Variants in GLRX5 observed in about 807,000 individuals in gnomAD.
GLRX5 encodes glutaredoxin 5.
A neutral mutation model predicts 13.8 loss-of-function variants in GLRX5; 10 were observed. The ratio of observed to expected loss-of-function variants is 0.72; its 90% CI spans 0.45 to 1.23. GLRX5 has a LOEUF of 1.23. Among genes scored for constraint, GLRX5 ranks in the 50% most tolerant of loss-of-function variants. GLRX5 has a pLI of 0.00. For synonymous variants in GLRX5, 98 were observed against 101.1 expected, an observed-to-expected ratio of 0.97 and a Z score of 0.18; for missense variants, 233 against 215.2, an observed-to-expected ratio of 1.08 and a Z score of -0.52.
Position 95,535,274 on chromosome 14 carries a change from C to A in GLRX5, c.185C>A (p.Pro62Gln). ...GTGGTGGTCTTCCTCAAGGGGACGC[C>A]GGAGCAGCCCCAGTGCGGCTTCAGC... ...DKVVVFLKGT[P>Q]EQPQCGFSNA... Residue 62 changes from proline to glutamine, a missense_variant, in exon 1 of 2, where the codon CCG (proline) becomes CAG (glutamine). Coordinates refer to ENST00000331334, the MANE Select transcript of GLRX5 (RefSeq NM_016417.3). The A allele has an allele frequency of 1.3e-6, 2 of 1,570,346 alleles. No homozygotes were observed. Among genetic ancestry groups the A allele is most frequent in the Non-Finnish European group, 1.7e-6 (2 of 1,159,346 alleles).
intron 1 of GLRX5, among the ~76,000 whole-genome samples, chr14:95,538,329 C>T (rs569735783): frequency 2.2e-4 from 33 of 152,196 alleles, no homozygotes; most frequent in Admixed American, 5.2e-4. Flanking sequence ...CGATTTAGAT[C>T]ATCATTGTAG....
At chr14:95,543,450 G>A in intron 1 of GLRX5, 1 of 317,818 alleles carries the variant, frequency 3.1e-6, no homozygotes, top group Non-Finnish European at 6.2e-6. Flanking sequence ...GATTGCCCGA[G>A]TTGGCCATGA....
intron 1 of GLRX5, among the ~76,000 whole-genome samples, chr14:95,541,440 A>G (rs1472785261): frequency 6.6e-6 from 1 of 152,242 alleles, no homozygotes; most frequent in East Asian, 1.9e-4. Context: ...GAAGGGTGCC[A>G]ACGTTTGGCC....
chr14:95,535,457 C>T (rs1891354425), intron 1 of GLRX5, 73 bp downstream of exon 1: 1 of 1,402,550 alleles, frequency 7.1e-7, no homozygotes, highest in African/African-American at 1.4e-5. Flanking sequence ...CCGAGGGGTT[C>T]CGCCGCGCCG....
chr14:95,540,967 A>G (rs1319288818), intron 1 of GLRX5, among the ~76,000 whole-genome samples: 2 of 152,158 alleles, frequency 1.3e-5, no homozygotes, highest in African/African-American at 2.4e-5. Flanking sequence ...TTTTTGGTGG[A>G]GCATTAGATG....
At chr14:95,539,945 C>T (rs1364613949) in intron 1 of GLRX5, among the ~76,000 whole-genome samples, 1 of 150,804 alleles carries the variant, frequency 6.6e-6, no homozygotes, top group Non-Finnish European at 1.5e-5. Flanking sequence ...GGCTGAAGTG[C>T]AGGGGGCAAT....
At chr14:95,542,208 A>G (rs567115310) in intron 1 of GLRX5, among the ~76,000 whole-genome samples, 5 of 152,388 alleles carry the variant, frequency 3.3e-5, no homozygotes, top group East Asian at 1.9e-4. Context: ...TGGAGCATCA[A>G]ACATCACCAT....
At chr14:95,535,502 T>A in intron 1 of GLRX5, 118 bp downstream of exon 1, 1 of 1,015,102 alleles carries the variant, frequency 9.9e-7, no homozygotes, top group Non-Finnish European at 1.4e-6. Flanking sequence ...CCGGGGTCTG[T>A]CTGAAGGTTC....
intron 1 of GLRX5, chr14:95,543,578 T>G: frequency 3.2e-6 from 1 of 313,812 alleles, no homozygotes; most frequent in South Asian, 2.9e-5. Context: ...TTATGTGACT[T>G]GCATTACCCA....
At chr14:95,542,114 G>T (rs1269310011) in intron 1 of GLRX5, among the ~76,000 whole-genome samples, 1 of 152,202 alleles carries the variant, frequency 6.6e-6, no homozygotes, top group Admixed American at 6.5e-5. Flanking sequence ...ATTGTAAAAA[G>T]TGAGTTTTGA....
chr14:95,538,482 CAT>C (rs1332942498), intron 1 of GLRX5, among the ~76,000 whole-genome samples: 1 of 152,180 alleles, frequency 6.6e-6, no homozygotes, highest in Non-Finnish European at 1.5e-5. Context: ...AGTAGTGAAA[CAT>C]GTCATGCTGG....
At chr14:95,543,309 T>C (rs770807033) in intron 1 of GLRX5, 1 of 364,066 alleles carries the variant, frequency 2.7e-6, no homozygotes, top group South Asian at 1.9e-5. Flanking sequence ...GGGACAGGGA[T>C]TTTTCCCTGG....
At chr14:95,538,334 T>C (rs549673880) in intron 1 of GLRX5, among the ~76,000 whole-genome samples, 7 of 152,370 alleles carry the variant, frequency 4.6e-5, no homozygotes, top group African/African-American at 9.6e-5. Context: ...TAGATCATCA[T>C]TGTAGTCCTT....
intron 1 of GLRX5, among the ~76,000 whole-genome samples, chr14:95,540,492 A>G (rs778170257): frequency 2.6e-5 from 4 of 152,230 alleles, no homozygotes; most frequent in Non-Finnish European, 5.9e-5. Flanking sequence ...TTTACAGGCT[A>G]GCAAACCAGA....
chr14:95,544,151 A>C lies in GLRX5; in HGVS notation c.*26A>C, dbSNP rs747574945. The C allele has an allele frequency of 1.4e-5, 22 of 1,601,716 alleles. No homozygotes were observed. Among genetic ancestry groups the C allele is most frequent in the Middle Eastern group, 3.6e-4 (2 of 5,550 alleles). On this transcript the variant is annotated 3_prime_UTR_variant, in exon 2 of 2. Transcript: ENST00000331334. Reference sequence around the variant, plus strand: ...GGGCGGCCAAGTCCTCGCTGAGCAGAGAGGGAGCCGTTCATGTCAGAGACT... The same window carrying C: ...GGGCGGCCAAGTCCTCGCTGAGCAGCGAGGGAGCCGTTCATGTCAGAGACT...
intron 1 of GLRX5, among the ~76,000 whole-genome samples, chr14:95,539,488 A>G (rs1037226973): frequency 2.6e-5 from 4 of 152,256 alleles, no homozygotes; most frequent in Non-Finnish European, 5.9e-5. Context: ...GCAAACACGT[A>G]ATTATGGCAT....
intron 1 of GLRX5, 21 bp from the exon 2 acceptor site, chr14:95,543,926 A>G (rs1454933407): frequency 4.4e-6 from 7 of 1,601,508 alleles, no homozygotes; most frequent in Non-Finnish European, 6.0e-6. Flanking sequence ...TAAATAACAA[A>G]TAAATGTTCT....
chr14:95,540,216 G>A (rs1042695248), intron 1 of GLRX5, among the ~76,000 whole-genome samples: 1 of 152,130 alleles, frequency 6.6e-6, no homozygotes, highest in Non-Finnish European at 1.5e-5. Context: ...TTACTTTAGG[G>A]TATACTTAAT....
Position 95,542,839 on chromosome 14 carries a change from G to A in GLRX5, c.296-1108G>A, listed in dbSNP as rs1044555233. ...GACCAATACAGGCTTTTTAATGGCC[G>A]ACTATGTTTTTGAAAGCACAGTCAT... On this transcript the variant is annotated intron_variant, in intron 1 of 1. Coordinates refer to ENST00000331334, the MANE Select transcript of GLRX5 (RefSeq NM_016417.3). 1.2e-4 allele frequency: 40 copies of A among 334,696 alleles called. 1 individual carries two copies. The highest frequency in any genetic ancestry group is 5.9e-4 in the South Asian group (26 of 43,898). 20.7% of individuals were successfully genotyped at this position (334,696 alleles called of 1,614,324 possible).
Sources: gnomAD v4.1 joint callset for allele counts (sites outside exome capture counted in the v4.1 genomes callset) on GRCh38, gnomAD v4.1.1 for gene constraint, MANE v1.5 for transcripts, NCBI Gene and HGNC (gene_info 2026-07-23, HGNC 2026-07-21) for gene names.